The following PIGU variants were observed in gnomAD, a reference collection of about 807,000 sequenced individuals.
PIGU encodes the protein phosphatidylinositol glycan anchor biosynthesis class U.
In PIGU, 24 loss-of-function variants were observed where a neutral mutation model predicts 49.9. The ratio of observed to expected loss-of-function variants is 0.48; its 90% CI spans 0.35 to 0.68. The LOEUF (loss-of-function observed/expected upper bound fraction) is 0.68, where lower values mean the gene tolerates loss of function less well. Ranked by LOEUF, PIGU falls within the 30% of genes least tolerant of loss-of-function variation. PIGU has a pLI of 0.01. For synonymous variants in PIGU, 220 were observed against 205.7 expected (o/e 1.07, Z -0.59); for missense variants, 490 against 532.6 (o/e 0.92, Z 0.79).
intron 7 of PIGU, among the ~76,000 whole-genome samples, chr20:34,589,821 A>G (rs762021913): frequency 2.0e-5 from 3 of 150,954 alleles, no homozygotes; most frequent in Non-Finnish European, 2.9e-5. Context: ...ACGCCCAGCT[A>G]ATTTTTATAT....
At chr20:34,602,277 A>G (rs1458159097) in intron 7 of PIGU, among the ~76,000 whole-genome samples, 1 of 151,972 alleles carries the variant, frequency 6.6e-6, no homozygotes, top group African/African-American at 2.4e-5. Flanking sequence ...GCAAGACTCC[A>G]TCATAAAATG....
chr20:34,660,455 C>T (rs566630339), intron 1 of PIGU, among the ~76,000 whole-genome samples: 4 of 152,250 alleles, frequency 2.6e-5, no homozygotes, highest in Non-Finnish European at 4.4e-5. Context: ...CATGGTGGCG[C>T]GCACCTGTAA....
At chr20:34,611,498 G>T (rs141850507) in intron 7 of PIGU, among the ~76,000 whole-genome samples, 2,487 of 151,482 alleles carry the variant, frequency 0.016, 84 homozygotes, top group African/African-American at 0.058. Context: ...TACAAAAAAT[G>T]AGCCAGGCAT....
chr20:34,620,828 A>AAAAACAAAAAAAAC (rs1985190187), intron 6 of PIGU, among the ~76,000 whole-genome samples: 1 of 149,192 alleles, frequency 6.7e-6, no homozygotes, highest in South Asian at 2.1e-4. Context: ...AACAAAAAAA[A>AAAAACAAAAAAAAC]AAAAACAAAA....
At chr20:34,644,579 A>G (rs1986273189) in intron 3 of PIGU, among the ~76,000 whole-genome samples, 1 of 152,214 alleles carries the variant, frequency 6.6e-6, no homozygotes, top group South Asian at 2.1e-4. Context: ...CTCAATAAAT[A>G]GAGTTTGTTA....
At position 34,666,735 on chromosome 20, in the gene PIGU, C is replaced by T. The variant is rs1987113497; in HGVS notation, c.131-9491G>A. Among the ~76,000 whole-genome samples the T allele has an allele frequency of 2.4e-5, 3 of 126,782 alleles. No homozygotes were observed. In the Admixed American group the frequency reaches 2.9e-4, roughly 12 times the overall value. The allele number at this position is 126,782 out of a possible 152,430, so 83.2% of individuals were successfully genotyped here. A position where few individuals can be genotyped will look rare whatever the true frequency, so the allele number is the denominator to read the frequency against. ...TTTTTGAGACAGAGTCTCGCTCTGT[C>T]ACCCAGGCTGGAGTGCAGTGGCGCG... On this transcript the variant is annotated intron_variant, in intron 1 of 11. Transcript: ENST00000217446.
intron 1 of PIGU, among the ~76,000 whole-genome samples, chr20:34,666,436 A>G (rs946016499): frequency 1.3e-5 from 2 of 150,556 alleles, no homozygotes; most frequent in Non-Finnish European, 2.9e-5. Flanking sequence ...ATGGCCAACT[A>G]TTGTAAAATG....
chr20:34,619,167 C>T lies in PIGU; in HGVS notation c.530-3028G>A, dbSNP rs116677672. 1.1e-3 allele frequency among the ~76,000 whole-genome samples: 162 copies of T among 152,296 alleles called. 3 individuals carry two copies. Among genetic ancestry groups the T allele is most frequent in the African/African-American group, 3.7e-3 (155 of 41,546 alleles). ...AATTCTATGGGAAGGGGGGCTGTCT[C>T]GCCATATTGACAGTGCCAGTCATGA... On this transcript the variant is annotated intron_variant, in intron 6 of 11. Coordinates refer to ENST00000217446, the MANE Select transcript of PIGU (RefSeq NM_080476.5).
At chr20:34,630,360 C>T (rs1985662001) in intron 6 of PIGU, among the ~76,000 whole-genome samples, 1 of 152,252 alleles carries the variant, frequency 6.6e-6, no homozygotes, top group African/African-American at 2.4e-5. Flanking sequence ...AGCCACCTTC[C>T]CTGTTCCTGC....
chr20:34,641,310 CT>C (rs1265217889), intron 4 of PIGU, among the ~76,000 whole-genome samples: 1 of 152,188 alleles, frequency 6.6e-6, no homozygotes, highest in African/African-American at 2.4e-5. Context: ...CACTCCACCC[CT>C]GTCCCTACTC....
intron 1 of PIGU, among the ~76,000 whole-genome samples, chr20:34,664,154 A>T (rs1243718306): frequency 6.6e-6 from 1 of 152,020 alleles, no homozygotes; most frequent in African/African-American, 2.4e-5. Flanking sequence ...CATGTAAAAC[A>T]TTTTTTTGTC....
chr20:34,629,632 T>C (rs952386229), intron 6 of PIGU, among the ~76,000 whole-genome samples: 3 of 151,624 alleles, frequency 2.0e-5, no homozygotes, highest in East Asian at 1.9e-4. Flanking sequence ...TAAACACTTG[T>C]TGTTGTTTTA....
At position 34,645,340 on chromosome 20, in the gene PIGU, G is replaced by GAAA; in HGVS notation, c.196-9_196-7dup. On this transcript the variant is annotated splice_region_variant and splice_polypyrimidine_tract_variant and intron_variant, in intron 2 of 11. Transcript: ENST00000217446. ...AGGTATATTATTAATGGAGTCTGCA[G>GAAA]AAAAAAAACAGACATGTAAAAAAAA... 1.4e-5 allele frequency: 22 copies of GAAA among 1,553,970 alleles called. No individual in the cohort carries two copies. Among genetic ancestry groups the GAAA allele is most frequent in the Non-Finnish European group, 1.9e-5 (22 of 1,158,472 alleles).
chr20:34,660,054 A>T (rs1182763488), intron 1 of PIGU, among the ~76,000 whole-genome samples: 4 of 150,744 alleles, frequency 2.7e-5, no homozygotes, highest in African/African-American at 9.7e-5. Context: ...TCAATAAAAA[A>T]AAAAAAAAAA....
chr20:34,650,700 C>CTCTTTTTTTTT (rs1986509194), intron 2 of PIGU, among the ~76,000 whole-genome samples: 9 of 38,796 alleles, frequency 2.3e-4, no homozygotes, highest in African/African-American at 4.6e-4. Context: ...CTTTTTTTCT[C>CTCTTTTTTTTT]TTTTTTTTTT....
At chr20:34,652,523 C>A (rs945459504) in intron 2 of PIGU, among the ~76,000 whole-genome samples, 2 of 152,024 alleles carry the variant, frequency 1.3e-5, no homozygotes, top group Non-Finnish European at 2.9e-5. Flanking sequence ...ATAATTTTAT[C>A]TTTTCCTAGT....
chr20:34,562,194 A>T (rs1004995904), intron 11 of PIGU, among the ~76,000 whole-genome samples: 1 of 152,190 alleles, frequency 6.6e-6, no homozygotes, highest in Admixed American at 6.5e-5. Flanking sequence ...TCCCAAGACC[A>T]CTGGTCCCTG....
chr20:34,616,195 T>A, intron 6 of PIGU, 56 bp from the exon 7 acceptor site: 2 of 1,571,694 alleles, frequency 1.3e-6, no homozygotes, highest in Non-Finnish European at 1.7e-6. Flanking sequence ...ATGATTAGAC[T>A]CAGCAAGTCC....
rs139849375 is a variant in PIGU at position 34,624,749 on chromosome 20, C to T, written c.530-8610G>A. Among the ~76,000 whole-genome samples the T allele has an allele frequency of 2.0e-5, 3 of 152,324 alleles. No individual in the cohort carries two copies. The East Asian group carries it at 5.8e-4, about 29-fold the overall frequency. On this transcript the variant is annotated intron_variant, in intron 6 of 11. Coordinates refer to ENST00000217446, the MANE Select transcript of PIGU (RefSeq NM_080476.5). ...TCAAAGCGAAACTTAAGCTGCTCCACTAAACTAATATCAACCTGCCCAAAG... is the reference window on the plus strand; with the variant it reads ...TCAAAGCGAAACTTAAGCTGCTCCATTAAACTAATATCAACCTGCCCAAAG...
Sources: gnomAD v4.1 joint callset for allele counts (sites outside exome capture counted in the v4.1 genomes callset) on GRCh38, gnomAD v4.1.1 for gene constraint, MANE v1.5 for transcripts, NCBI Gene and HGNC (gene_info 2026-07-23, HGNC 2026-07-21) for gene names.